The following UNC5A variants were observed in gnomAD, a reference collection of about 807,000 sequenced individuals.
UNC5A encodes the protein netrin receptor UNC5A.
UNC5A carries 20 observed loss-of-function variants against 87.4 expected under a neutral mutation model. The ratio of observed to expected loss-of-function variants is 0.23; its 90% CI spans 0.16 to 0.33. The LOEUF is 0.33. Among genes scored for constraint, UNC5A ranks in the 10% least tolerant of loss-of-function variants. The pLI is 1.00. For missense variants in UNC5A, 844 were observed against 1,133.4 expected, an observed-to-expected ratio of 0.74 and a Z score of 3.67; for synonymous variants, 438 against 482.3, an observed-to-expected ratio of 0.91 and a Z score of 1.20.
At chr5:176,858,764 A>AGGC (rs1757733070) in intron 1 of UNC5A, among the ~76,000 whole-genome samples, 2 of 136,748 alleles carry the variant, frequency 1.5e-5, no homozygotes, top group African/African-American at 6.0e-5. Context: ...GGAAGGAAGG[A>AGGC]AGGAAGGAAG....
intron 1 of UNC5A, among the ~76,000 whole-genome samples, chr5:176,832,679 A>G (rs1757058809): frequency 6.6e-6 from 1 of 152,178 alleles, no homozygotes; most frequent in South Asian, 2.1e-4. Context: ...TTCATGGCAC[A>G]CCAAGGGGTG....
intron 1 of UNC5A, among the ~76,000 whole-genome samples, chr5:176,816,961 C>T (rs1756603031): frequency 6.6e-6 from 1 of 152,226 alleles, no homozygotes; most frequent in South Asian, 2.1e-4. Context: ...CATGCAAGGG[C>T]AGGTGGTCCT....
Position 176,880,098 on chromosome 5 carries a change from A to C in UNC5A, c.*212A>C. On this transcript the variant is annotated 3_prime_UTR_variant, in exon 15 of 15. Transcript: ENST00000329542. The stretch of plus-strand genomic sequence containing the variant: ...TAGCCAGGCTGGCACTGCCACTCAC[A>C]CTCGGCCCCAGGGCCCAGGAGGGAC... The C allele has an allele frequency of 1.0e-5, 6 of 602,918 alleles. No individual in the cohort carries two copies. Among genetic ancestry groups the C allele is most frequent in the East Asian group, 3.1e-5 (1 of 32,210 alleles). The allele number at this position is 602,918 out of a possible 1,614,324, so 37.3% of individuals were successfully genotyped here. A position where few individuals can be genotyped will look rare whatever the true frequency, so the allele number is the denominator to read the frequency against.
intron 2 of UNC5A, among the ~76,000 whole-genome samples, chr5:176,864,196 G>A (rs568990655): frequency 2.6e-5 from 4 of 152,146 alleles, no homozygotes; most frequent in African/African-American, 9.6e-5. Flanking sequence ...TCCAAGCTCA[G>A]GTCTCAAAAC....
In UNC5A at chr5:176,848,483, G is replaced by T. The variant is rs1345076712; in HGVS notation, c.71-14141G>T. ...ATGAAATCAATACCAGGAGAAAAAA[G>T]TATGGCTGTCATTAAGTGAAGTAAA... is the stretch of plus-strand genomic sequence containing the variant. On this transcript the variant is annotated intron_variant, in intron 1 of 14. Coordinates refer to ENST00000329542, the MANE Select transcript of UNC5A (RefSeq NM_133369.3). The surrounding 1 kb of genome is among the most constrained non-coding windows in gnomAD (Gnocchi z 5.8). 6.6e-6 allele frequency among the ~76,000 whole-genome samples: 1 copy of T among 152,332 alleles called. No individual in the cohort carries two copies. The highest frequency in any genetic ancestry group is 1.9e-4 in the East Asian group (1 of 5,184).
chr5:176,839,187 A>G (rs1000273992), intron 1 of UNC5A, among the ~76,000 whole-genome samples: 5 of 152,112 alleles, frequency 3.3e-5, no homozygotes, highest in African/African-American at 1.2e-4. Flanking sequence ...CACTTCCATC[A>G]TGTCCACCTT....
At chr5:176,873,027 AC>A (rs1411622460) in intron 6 of UNC5A, among the ~76,000 whole-genome samples, 1 of 17,492 alleles carries the variant, frequency 5.7e-5, no homozygotes, top group African/African-American at 1.9e-4. Context: ...GCCCACACTC[AC>A]CCAACACCAC....
In UNC5A at chr5:176,812,946, C is replaced by T. The variant is rs923785263; in HGVS notation, c.70+2126C>T. Among the ~76,000 whole-genome samples, 11 of 152,202 alleles carry T rather than the reference C, an allele frequency of 7.2e-5. 1 individual carries two copies. The highest frequency in any genetic ancestry group is 7.2e-4 in the Admixed American group (11 of 15,290). On this transcript the variant is annotated intron_variant, in intron 1 of 14. Transcript: ENST00000329542. ...CTGCCTTTTGCCTCCGTTGCAACAGCCTCCGGTGAAAAATGTGTCTGTGAG... is the reference window on the plus strand; with the variant it reads ...CTGCCTTTTGCCTCCGTTGCAACAGTCTCCGGTGAAAAATGTGTCTGTGAG...
In UNC5A at chr5:176,824,175, T is replaced by C. The variant is rs1036444484; in HGVS notation, c.70+13355T>C. 1.6e-4 allele frequency among the ~76,000 whole-genome samples: 25 copies of C among 152,318 alleles called. No individual in the cohort carries two copies. The highest frequency in any genetic ancestry group is 5.9e-4 in the Admixed American group (9 of 15,306). ...CCTCCCGGGTTGGAGGCAGCAATGA[T>C]GCAGGTTCCGACACTGGCCCAGGAC... is the stretch of plus-strand genomic sequence containing the variant. On this transcript the variant is annotated intron_variant, in intron 1 of 14. Coordinates refer to ENST00000329542, the MANE Select transcript of UNC5A (RefSeq NM_133369.3). This position sits in a 1 kb window ranked among gnomAD's most constrained non-coding sequence, Gnocchi z 4.2.
rs1385020068 is a variant in UNC5A, at chr5:176,868,285, G to C, written c.436+12G>C. 2 of 1,612,596 alleles carry C rather than the reference G, an allele frequency of 1.2e-6. No homozygotes were observed. The highest frequency in any genetic ancestry group is 1.7e-6 in the Non-Finnish European group (2 of 1,179,734). The stretch of plus-strand genomic sequence containing the variant: ...CATCCGCATAGCCTGTGAGTCTAGG[G>C]CTGGGCCCTGGGGGAGGGCGCACGG... On this transcript the variant is annotated intron_variant, in intron 3 of 14. Coordinates refer to ENST00000329542, the MANE Select transcript of UNC5A (RefSeq NM_133369.3).
At chr5:176,826,875 G>A (rs1277332709) in intron 1 of UNC5A, among the ~76,000 whole-genome samples, 8 of 152,108 alleles carry the variant, frequency 5.3e-5, no homozygotes, top group Non-Finnish European at 8.8e-5. Flanking sequence ...TCCTGACCTC[G>A]TGATCTGCCC....
intron 1 of UNC5A, among the ~76,000 whole-genome samples, chr5:176,830,802 GTGTGTGCGTGTGTGTGCGCTGGCA>G (rs1756998362): frequency 6.7e-6 from 1 of 148,448 alleles, no homozygotes; most frequent in African/African-American, 2.5e-5. Context: ...GCTGGCATGT[GTGTGTGCGTGTGTGTGCGCTGGCA>G]TGTATGTGCT....
At chr5:176,836,702 G>A (rs935489966) in intron 1 of UNC5A, among the ~76,000 whole-genome samples, 1 of 152,178 alleles carries the variant, frequency 6.6e-6, no homozygotes, top group Non-Finnish European at 1.5e-5. Context: ...CTATGCCCCA[G>A]CCTGACAGAG....
rs377007799 is a variant in UNC5A at position 176,879,901 on chromosome 5, G to T, written c.*15G>T. 2.5e-6 allele frequency: 4 copies of T among 1,606,434 alleles called. No homozygotes were observed. The highest frequency in any genetic ancestry group is 4.5e-5 in the East Asian group (2 of 44,738). ...CTGAGTGCTGAGGCCGGCCAGGCCC[G>T]ACACCTACACTCTCACCAGCTTTGG... is the stretch of plus-strand genomic sequence containing the variant. On this transcript the variant is annotated 3_prime_UTR_variant, in exon 15 of 15. Coordinates refer to ENST00000329542, the MANE Select transcript of UNC5A (RefSeq NM_133369.3).
intron 9 of UNC5A, 101 bp from the exon 10 acceptor site, chr5:176,877,434 C>G: frequency 7.0e-7 from 1 of 1,427,174 alleles, no homozygotes; most frequent in Non-Finnish European, 9.5e-7. Context: ...GCCCAAGCCC[C>G]TGGCCCCTGG....
Position 176,870,434 on chromosome 5 carries a change from G to T in UNC5A, c.786G>T (p.Arg262=). 1 of 1,612,260 alleles carries T rather than the reference G, an allele frequency of 6.2e-7. No individual in the cohort carries two copies. Residue 262 remains arginine, a synonymous_variant, in exon 6 of 15, where the codon CGG becomes CGT. Coordinates refer to ENST00000329542, the MANE Select transcript of UNC5A (RefSeq NM_133369.3). ...SACGLDCTHW[R]SRECSDPAPR... ...GTGGGCTGGACTGCACCCACTGGCG[G>T]AGCCGTGAGTGCTCTGACCCAGCAC...
intron 1 of UNC5A, among the ~76,000 whole-genome samples, chr5:176,843,723 A>G (rs939072690): frequency 6.6e-6 from 1 of 152,208 alleles, no homozygotes; most frequent in Middle Eastern, 3.2e-3. Context: ...TGCATCCCTG[A>G]CCCACCGGGC....
At position 176,848,360 on chromosome 5, in the gene UNC5A, T is replaced by C. The variant is rs2113632066; in HGVS notation, c.71-14264T>C. 6.6e-6 allele frequency among the ~76,000 whole-genome samples: 1 copy of C among 152,122 alleles called. No individual in the cohort carries two copies. Among genetic ancestry groups the C allele is most frequent in the East Asian group, 1.9e-4 (1 of 5,168 alleles). ...GGGCAGCGGCTCATCTGAGGCTGCA[T>C]AGTGACACTGAGGCCACCCCTCTCT... On this transcript the variant is annotated intron_variant, in intron 1 of 14. Transcript: ENST00000329542. The surrounding 1 kb of genome is among the most constrained non-coding windows in gnomAD (Gnocchi z 5.8).
At chr5:176,879,656 A>T in intron 14 of UNC5A, 65 bp from the exon 15 acceptor site, 1 of 1,582,492 alleles carries the variant, frequency 6.3e-7, no homozygotes, top group Non-Finnish European at 8.6e-7. Flanking sequence ...GGGGTGGGCC[A>T]GGGGGGGCAG....
Sources: allele counts gnomAD v4.1 joint callset (sites outside exome capture counted in the v4.1 genomes callset), GRCh38; gene constraint gnomAD v4.1.1; non-coding constraint Gnocchi (gnomAD v3.1); transcripts MANE v1.5; gene names NCBI Gene and HGNC (gene_info 2026-07-23, HGNC 2026-07-21).